NEBL: variants seen among roughly 807,000 people sequenced by gnomAD.
The protein encoded by NEBL is LIM and SH3 protein 2.
NEBL carries 122 observed loss-of-function variants against 140.2 expected under a neutral mutation model. The observed-to-expected ratio is 0.87, with a 90% confidence interval of 0.75 to 1.01. NEBL has a LOEUF of 1.01. Among genes scored for constraint, NEBL ranks in the 50% least tolerant of loss-of-function variants. The pLI is 0.00. For missense variants in NEBL, 1,365 were observed against 1,231.3 expected, an observed-to-expected ratio of 1.11 and a Z score of -1.62; for synonymous variants, 436 against 398.9, an observed-to-expected ratio of 1.09 and a Z score of -1.11.
At chr10:20,974,840 G>A (rs754089420) in intron 3 of NEBL, among the ~76,000 whole-genome samples, 7 of 152,222 alleles carry the variant, frequency 4.6e-5, no homozygotes, top group Admixed American at 6.5e-5. Flanking sequence ...AAAAATTAAC[G>A]TGAATTTTCA....
intron 2 of NEBL, among the ~76,000 whole-genome samples, chr10:21,107,687 T>C (rs904948151): frequency 6.6e-6 from 1 of 152,216 alleles, no homozygotes; most frequent in African/African-American, 2.4e-5. Context: ...CCTCATAAAA[T>C]GAGTTAGGGA....
rs569840853 is a variant in NEBL, at chr10:20,909,784, AG to A, written c.357+51887del. Among the ~76,000 whole-genome samples the A allele has an allele frequency of 4.7e-3, 722 of 152,260 alleles. 9 individuals carry two copies. Among genetic ancestry groups the A allele is most frequent in the African/African-American group, 0.017 (688 of 41,560 alleles). On this transcript the variant is annotated intron_variant, in intron 4 of 6. Coordinates refer to the NEBL transcript ENST00000417816. ...ATATTGAAACAATAATATATACAAA[AG>A]AAATACAGAATTGTCAGAGGAAACA... is the stretch of plus-strand genomic sequence containing the variant.
chr10:21,168,536 A>T (rs568843385), intron 2 of NEBL, among the ~76,000 whole-genome samples: 2 of 152,134 alleles, frequency 1.3e-5, no homozygotes, highest in South Asian at 4.2e-4. Flanking sequence ...CCTGGCTTTT[A>T]AAAAAAACTG....
intron 9 of NEBL, among the ~76,000 whole-genome samples, chr10:20,855,397 AATACAT>A (rs1279447628): frequency 3.3e-5 from 5 of 151,916 alleles, no homozygotes; most frequent in African/African-American, 7.2e-5. Flanking sequence ...ATCCACAACA[AATACAT>A]ATAAATATAT....
intron 2 of NEBL, among the ~76,000 whole-genome samples, chr10:21,040,517 G>A (rs1834224618): frequency 1.3e-5 from 2 of 152,002 alleles, no homozygotes; most frequent in Non-Finnish European, 2.9e-5. Flanking sequence ...AGAAGGAGAT[G>A]CCAGACTCCT....
At chr10:20,789,907 A>G (rs531240277) in intron 26 of NEBL, among the ~76,000 whole-genome samples, 23 of 150,414 alleles carry the variant, frequency 1.5e-4, no homozygotes, top group Non-Finnish European at 2.7e-4. Context: ...GTATAGATAT[A>G]TGTATATATA....
chr10:20,925,591 A>G (rs1430709416), intron 4 of NEBL, among the ~76,000 whole-genome samples: 1 of 152,212 alleles, frequency 6.6e-6, no homozygotes, highest in African/African-American at 2.4e-5. Context: ...TTCTGAAAGA[A>G]AGCAATCTGA....
chr10:21,112,685 T>A (rs1182387890), intron 2 of NEBL: 1 of 152,084 alleles, frequency 6.6e-6, no homozygotes, highest in African/African-American at 2.4e-5. Context: ...GGCACATGTA[T>A]ACCTATATAA....
At chr10:21,123,509 C>T (rs1440280858) in intron 2 of NEBL, among the ~76,000 whole-genome samples, 1 of 152,136 alleles carries the variant, frequency 6.6e-6, no homozygotes, top group Non-Finnish European at 1.5e-5. Flanking sequence ...GAGCCCTGAG[C>T]TCAAGTCGTC....
chr10:20,809,332 C>G (rs986396997), intron 25 of NEBL, among the ~76,000 whole-genome samples: 2 of 152,108 alleles, frequency 1.3e-5, no homozygotes, highest in Non-Finnish European at 2.9e-5. Flanking sequence ...GCCATGTAAA[C>G]TATTCATTTT....
At chr10:21,285,141 T>C (rs1843039634) in intron 1 of NEBL, among the ~76,000 whole-genome samples, 1 of 152,226 alleles carries the variant, frequency 6.6e-6, no homozygotes. Flanking sequence ...GAAAGGACTA[T>C]TTTAATTTTC....
chr10:21,245,464 G>C (rs563660999), intron 3 of NEBL, among the ~76,000 whole-genome samples: 1 of 152,320 alleles, frequency 6.6e-6, no homozygotes, highest in African/African-American at 2.4e-5. Flanking sequence ...CCCCGGTAGG[G>C]AAGTAGGGAT....
chr10:21,263,144 C>A (rs764172638), intron 1 of NEBL, among the ~76,000 whole-genome samples: 2 of 152,100 alleles, frequency 1.3e-5, no homozygotes, highest in Admixed American at 6.6e-5. Context: ...ATGTTCTGGG[C>A]ATTGTTCTAA....
intron 4 of NEBL, among the ~76,000 whole-genome samples, chr10:20,957,267 T>C (rs148906827): frequency 5.2e-4 from 79 of 152,326 alleles, no homozygotes; most frequent in African/African-American, 1.8e-3. Context: ...TTAATGGGCA[T>C]ATAATTTATT....
chr10:20,887,283 C>CT (rs1415560481), intron 4 of NEBL, among the ~76,000 whole-genome samples: 1 of 152,182 alleles, frequency 6.6e-6, no homozygotes, highest in Non-Finnish European at 1.5e-5. Flanking sequence ...CAAATAGTAA[C>CT]TTCCACCTGA....
intron 3 of NEBL, among the ~76,000 whole-genome samples, chr10:21,217,524 A>G (rs1431692053): frequency 6.6e-6 from 1 of 152,138 alleles, no homozygotes. Context: ...AAACTTTAAC[A>G]TTGATAGCAT....
At chr10:20,916,927 G>T (rs542196330) in intron 4 of NEBL, among the ~76,000 whole-genome samples, 1 of 152,070 alleles carries the variant, frequency 6.6e-6, no homozygotes, top group East Asian at 1.9e-4. Flanking sequence ...ACTTTTTTTA[G>T]TTCCAACATT....
intron 2 of NEBL, among the ~76,000 whole-genome samples, chr10:21,099,802 A>G (rs750730810): frequency 1.1e-4 from 16 of 152,182 alleles, no homozygotes; most frequent in Non-Finnish European, 2.4e-4. Context: ...GCAAGTGTTC[A>G]CTGTTGCACA....
intron 3 of NEBL, among the ~76,000 whole-genome samples, chr10:21,190,064 A>C (rs1227540970): frequency 1.3e-5 from 2 of 152,286 alleles, no homozygotes; most frequent in Admixed American, 1.3e-4. Flanking sequence ...CTCCCCTAAT[A>C]AATTATAAAT....
Sources: allele counts gnomAD v4.1 joint callset (sites outside exome capture counted in the v4.1 genomes callset), GRCh38; gene constraint gnomAD v4.1.1; transcripts MANE v1.5; gene names NCBI Gene and HGNC (gene_info 2026-07-23, HGNC 2026-07-21).